NEK7: variants seen among roughly 807,000 people sequenced by gnomAD.
NEK7 encodes serine/threonine-protein kinase Nek7.
In NEK7, 18 loss-of-function variants were observed where a neutral mutation model predicts 44.6. That is an observed-to-expected ratio of 0.40 (90% CI 0.28 to 0.60). The LOEUF is 0.60. Ranked by LOEUF, NEK7 falls within the 20% of genes least tolerant of loss-of-function variation. The probability of loss-of-function intolerance (pLI) is 0.38; values close to 1 mark genes in which losing one functional copy is unlikely to be tolerated. For missense variants in NEK7, 256 were observed against 366.5 expected (o/e 0.70, Z 2.46); for synonymous variants, 130 against 121.1 (o/e 1.07, Z -0.48).
chr1:198,310,252 G>C (rs1655137342), intron 9 of NEK7, among the ~76,000 whole-genome samples: 1 of 152,110 alleles, frequency 6.6e-6, no homozygotes, highest in Admixed American at 6.5e-5. Context: ...CTTTTGAGAA[G>C]TGTCTGTTCA....
intron 1 of NEK7, 147 bp downstream of exon 1, chr1:198,157,423 G>T (rs1435851702): frequency 6.6e-6 from 1 of 152,300 alleles, no homozygotes; most frequent in African/African-American, 2.4e-5. Context: ...GGGGCGGGGC[G>T]CGCTGCGCTC....
At chr1:198,200,347 C>CT (rs1043744772) in intron 1 of NEK7, among the ~76,000 whole-genome samples, 1 of 151,864 alleles carries the variant, frequency 6.6e-6, no homozygotes, top group African/African-American at 2.4e-5. Flanking sequence ...GGCCAGCTTG[C>CT]TTTTTTTTCT....
At chr1:198,230,907 A>G (rs1336933233) in intron 1 of NEK7, among the ~76,000 whole-genome samples, 1 of 152,010 alleles carries the variant, frequency 6.6e-6, no homozygotes, top group African/African-American at 2.4e-5. Context: ...CCATTATTGA[A>G]AGAAACTTAA....
intron 3 of NEK7, among the ~76,000 whole-genome samples, chr1:198,254,664 A>C (rs1469566133): frequency 6.6e-6 from 1 of 152,152 alleles, no homozygotes; most frequent in Non-Finnish European, 1.5e-5. Flanking sequence ...CACATACAAG[A>C]ATTTCTCTCT....
chr1:198,191,666 A>G (rs570176827), intron 1 of NEK7, among the ~76,000 whole-genome samples: 123 of 152,050 alleles, frequency 8.1e-4, no homozygotes, highest in African/African-American at 2.2e-3. Flanking sequence ...TATAGTTTGT[A>G]ATACTTGTCC....
At chr1:198,205,933 C>T (rs1036816485) in intron 1 of NEK7, among the ~76,000 whole-genome samples, 11 of 151,912 alleles carry the variant, frequency 7.2e-5, no homozygotes, top group Non-Finnish European at 1.5e-4. Context: ...CATTGTGTTA[C>T]AGTGGGTTTG....
At chr1:198,181,343 C>G (rs1304257709) in intron 1 of NEK7, among the ~76,000 whole-genome samples, 1 of 152,106 alleles carries the variant, frequency 6.6e-6, no homozygotes, top group Non-Finnish European at 1.5e-5. Flanking sequence ...TCATGCATTA[C>G]TAGTGAGGCT....
intron 9 of NEK7, among the ~76,000 whole-genome samples, chr1:198,309,983 G>A (rs988761043): frequency 2.1e-4 from 32 of 151,662 alleles, no homozygotes; most frequent in Non-Finnish European, 4.4e-5. Flanking sequence ...TGGGTCAAAT[G>A]GTATTTCTAG....
chr1:198,226,121 A>G (rs2102856295), intron 1 of NEK7, among the ~76,000 whole-genome samples: 1 of 152,138 alleles, frequency 6.6e-6, no homozygotes, highest in South Asian at 2.1e-4. Flanking sequence ...TTTATATATT[A>G]AAATATATTT....
At chr1:198,302,145 A>G (rs1360271189) in intron 9 of NEK7, among the ~76,000 whole-genome samples, 1 of 152,210 alleles carries the variant, frequency 6.6e-6, no homozygotes, top group Non-Finnish European at 1.5e-5. Flanking sequence ...CACAGATAGA[A>G]AACTATTTGT....
At position 198,295,766 on chromosome 1, in the gene NEK7, G is replaced by A. The variant is rs1558099500; in HGVS notation, c.685-1361G>A. On this transcript the variant is annotated intron_variant, in intron 8 of 9. Transcript: ENST00000367385. Reference sequence around the variant, plus strand: ...TTTATATATACAGTGTATTTTTAAGGTAAGATCTTAAAGTGTCCTTGCATT... The same window carrying A: ...TTTATATATACAGTGTATTTTTAAGATAAGATCTTAAAGTGTCCTTGCATT... Among the ~76,000 whole-genome samples the A allele has an allele frequency of 2.7e-5, 4 of 150,840 alleles. No homozygotes were observed. The South Asian group carries it at 8.3e-4, about 31-fold the overall frequency.
At chr1:198,281,775 T>C (rs1654205945) in intron 7 of NEK7, among the ~76,000 whole-genome samples, 1 of 152,114 alleles carries the variant, frequency 6.6e-6, no homozygotes, top group Non-Finnish European at 1.5e-5. Flanking sequence ...GGCAAGTCTT[T>C]GCATTTTCAA....
At chr1:198,282,777 C>T (rs1455968945) in intron 7 of NEK7, among the ~76,000 whole-genome samples, 1 of 152,076 alleles carries the variant, frequency 6.6e-6, no homozygotes, top group Non-Finnish European at 1.5e-5. Flanking sequence ...TCTGCCTGAA[C>T]TGATTGATTC....
chr1:198,199,130 G>T (rs1041493991), intron 1 of NEK7, among the ~76,000 whole-genome samples: 6 of 152,342 alleles, frequency 3.9e-5, no homozygotes, highest in African/African-American at 1.2e-4. Flanking sequence ...ATGGAGATCT[G>T]CATATATGGT....
rs184157186 is a variant in NEK7 at position 198,282,231 on chromosome 1, A to G, written c.589+3170A>G. Among the ~76,000 whole-genome samples the G allele has an allele frequency of 1.1e-4, 17 of 152,174 alleles. No individual in the cohort carries two copies. In the East Asian group the frequency reaches 3.3e-3, roughly 29 times the overall value. ...ATAATCCATTCTGTGTGTTTCCACT[A>G]GAGTTATCTTCCTCAAAGACACTAT... On this transcript the variant is annotated intron_variant, in intron 7 of 9. Coordinates refer to ENST00000367385, the MANE Select transcript of NEK7 (RefSeq NM_133494.3).
At chr1:198,212,878 C>T (rs994277403) in intron 1 of NEK7, among the ~76,000 whole-genome samples, 4 of 145,550 alleles carry the variant, frequency 2.7e-5, no homozygotes, top group African/African-American at 1.1e-4. Flanking sequence ...AAAACATTTG[C>T]ATGACCTCAG....
chr1:198,287,208 G>A (rs577850515), intron 7 of NEK7, among the ~76,000 whole-genome samples: 73 of 152,268 alleles, frequency 4.8e-4, no homozygotes, highest in African/African-American at 1.6e-3. Flanking sequence ...TAGGCTGGGT[G>A]CGGTGGCTCA....
At chr1:198,260,682 A>G (rs1482436269) in intron 3 of NEK7, among the ~76,000 whole-genome samples, 1 of 152,014 alleles carries the variant, frequency 6.6e-6, no homozygotes, top group Admixed American at 6.6e-5. Flanking sequence ...AAGGCTTTAT[A>G]TTTTTTCAAA....
At chr1:198,227,983 A>G (rs990880470) in intron 1 of NEK7, among the ~76,000 whole-genome samples, 2 of 152,198 alleles carry the variant, frequency 1.3e-5, no homozygotes, top group African/African-American at 4.8e-5. Flanking sequence ...GTTTTCTTCT[A>G]GGGTTTTTAT....
Sources: allele counts gnomAD v4.1 joint callset (sites outside exome capture counted in the v4.1 genomes callset), GRCh38; gene constraint gnomAD v4.1.1; transcripts MANE v1.5; gene names NCBI Gene and HGNC (gene_info 2026-07-23, HGNC 2026-07-21).